UNC5C: variants seen among roughly 807,000 people sequenced by gnomAD.
UNC5C encodes unc-5 netrin receptor C.
A neutral mutation model predicts 99.8 loss-of-function variants in UNC5C; 47 were observed. That is an observed-to-expected ratio of 0.47 (90% CI 0.37 to 0.60). UNC5C has a LOEUF of 0.60. UNC5C is among the 20% of genes least tolerant of loss of function. The pLI is 0.00. For missense variants in UNC5C, 1,062 were observed against 1,165.9 expected (o/e 0.91, Z 1.30); for synonymous variants, 487 against 452.2 (o/e 1.08, Z -0.98).
chr4:95,198,310 A>G (rs1418410141), intron 12 of UNC5C, among the ~76,000 whole-genome samples: 1 of 152,114 alleles, frequency 6.6e-6, no homozygotes, highest in Non-Finnish European at 1.5e-5. Context: ...CCTTAAGAAC[A>G]AAGGGTAGCT....
At chr4:95,354,479 A>ATATTTTTTT in intron 1 of UNC5C, among the ~76,000 whole-genome samples, 1 of 110,352 alleles carries the variant, frequency 9.1e-6, no homozygotes, top group Non-Finnish European at 1.8e-5. Context: ...ATATATATAT[A>ATATTTTTTT]TTTTTTTTTT....
intron 12 of UNC5C, among the ~76,000 whole-genome samples, chr4:95,198,871 A>G (rs1737539172): frequency 6.6e-6 from 1 of 152,200 alleles, no homozygotes; most frequent in South Asian, 2.1e-4. Flanking sequence ...TTCTTAGTAG[A>G]ATTAAAGTTC....
intron 7 of UNC5C, among the ~76,000 whole-genome samples, chr4:95,234,774 T>C (rs2149374917): frequency 6.6e-6 from 1 of 152,170 alleles, no homozygotes; most frequent in East Asian, 1.9e-4. Context: ...CTTTATCCAG[T>C]GTAATACATA....
chr4:95,169,518 A>G, intron 15 of UNC5C, 119 bp from the exon 16 acceptor site: 2 of 1,136,042 alleles, frequency 1.8e-6, no homozygotes, highest in East Asian at 2.5e-5. Context: ...TGTGGCTGAC[A>G]GTGAGCCATC....
intron 1 of UNC5C, among the ~76,000 whole-genome samples, chr4:95,381,604 C>T (rs144840259): frequency 2.0e-5 from 3 of 152,184 alleles, no homozygotes; most frequent in African/African-American, 7.2e-5. Context: ...TGGAATATGT[C>T]TAAACTCAGA....
intron 7 of UNC5C, among the ~76,000 whole-genome samples, chr4:95,227,323 A>C (rs1471646480): frequency 6.6e-6 from 1 of 151,008 alleles, no homozygotes; most frequent in East Asian, 1.9e-4. Context: ...GCTATTTAAA[A>C]AATTTTTTTT....
intron 1 of UNC5C, among the ~76,000 whole-genome samples, chr4:95,342,328 C>T (rs192400347): frequency 8.8e-4 from 134 of 152,078 alleles, no homozygotes; most frequent in Non-Finnish European, 1.4e-3. Flanking sequence ...AGCTCAGCCA[C>T]GGTAGGATAG....
At chr4:95,360,650 G>A (rs1370698587) in intron 1 of UNC5C, among the ~76,000 whole-genome samples, 3 of 152,132 alleles carry the variant, frequency 2.0e-5, no homozygotes, top group Non-Finnish European at 4.4e-5. Context: ...ACAAAACAAT[G>A]ATTATGAGCT....
intron 1 of UNC5C, among the ~76,000 whole-genome samples, chr4:95,453,885 T>C (rs1440066348): frequency 6.6e-6 from 1 of 152,092 alleles, no homozygotes; most frequent in Non-Finnish European, 1.5e-5. Flanking sequence ...AAATGAGGCA[T>C]ACAATCAATG....
At chr4:95,411,391 TG>T (rs1745988947) in intron 1 of UNC5C, among the ~76,000 whole-genome samples, 1 of 152,196 alleles carries the variant, frequency 6.6e-6, no homozygotes, top group Admixed American at 6.5e-5. Context: ...TATCTTCTTT[TG>T]GGTGGCCACA....
At chr4:95,478,658 ATTT>A (rs1421435789) in intron 1 of UNC5C, among the ~76,000 whole-genome samples, 1 of 151,962 alleles carries the variant, frequency 6.6e-6, no homozygotes, top group Non-Finnish European at 1.5e-5. Context: ...GCATTTTATT[ATTT>A]TGTTTTTTAA....
intron 1 of UNC5C, among the ~76,000 whole-genome samples, chr4:95,464,285 G>A (rs189676782): frequency 3.9e-5 from 6 of 152,294 alleles, no homozygotes; most frequent in Admixed American, 3.9e-4. Flanking sequence ...GGAGGAGTTG[G>A]AACAAGAGCA....
chr4:95,241,020 T>C (rs987780251), intron 7 of UNC5C, among the ~76,000 whole-genome samples: 2 of 152,342 alleles, frequency 1.3e-5, no homozygotes, highest in Admixed American at 6.5e-5. Context: ...GGCAGAAAGA[T>C]AGAAAAAGTC....
intron 4 of UNC5C, among the ~76,000 whole-genome samples, chr4:95,257,593 C>T (rs943752397): frequency 1.3e-5 from 2 of 152,158 alleles, no homozygotes; most frequent in African/African-American, 2.4e-5. Flanking sequence ...AGCAGGGATA[C>T]AGGAGGCAGA....
chr4:95,346,589 C>G (rs1743782335), intron 1 of UNC5C, among the ~76,000 whole-genome samples: 1 of 151,904 alleles, frequency 6.6e-6, no homozygotes, highest in Non-Finnish European at 1.5e-5. Flanking sequence ...TCATCATTGC[C>G]CAGTGGGATT....
At chr4:95,524,378 G>C (rs772981959) in intron 1 of UNC5C, among the ~76,000 whole-genome samples, 3 of 152,164 alleles carry the variant, frequency 2.0e-5, no homozygotes, top group Non-Finnish European at 2.9e-5. Context: ...TTATGCAACA[G>C]GGGCGATTAT....
At chr4:95,401,870 A>T (rs1433682859) in intron 1 of UNC5C, among the ~76,000 whole-genome samples, 1 of 152,192 alleles carries the variant, frequency 6.6e-6, no homozygotes, top group African/African-American at 2.4e-5. Context: ...CAAACAATAC[A>T]GATTTCTAAT....
intron 1 of UNC5C, among the ~76,000 whole-genome samples, chr4:95,486,146 T>C (rs1721322057): frequency 6.6e-6 from 1 of 151,872 alleles, no homozygotes; most frequent in Admixed American, 6.6e-5. Flanking sequence ...AAAAGTCAAA[T>C]ATACATAAAA....
At chr4:95,171,981 G>C (rs1736136263) in intron 14 of UNC5C, among the ~76,000 whole-genome samples, 1 of 150,338 alleles carries the variant, frequency 6.7e-6, no homozygotes, top group African/African-American at 2.4e-5. Flanking sequence ...GCATTTCTCT[G>C]ATGGCCAGTG....
Sources: gnomAD v4.1 joint callset for allele counts (sites outside exome capture counted in the v4.1 genomes callset) on GRCh38, gnomAD v4.1.1 for gene constraint, MANE v1.5 for transcripts, NCBI Gene and HGNC (gene_info 2026-07-23, HGNC 2026-07-21) for gene names.